Variants in KCNN3 observed in about 807,000 individuals in gnomAD.
KCNN3 encodes the protein potassium calcium-activated channel subfamily N member 3.
Under a neutral mutation model 62.9 loss-of-function variants are expected in KCNN3, and 16 were observed. The observed-to-expected ratio is 0.25, with a 90% CI of 0.17 to 0.39. The LOEUF (loss-of-function observed/expected upper bound fraction) is 0.39, where lower values mean the gene tolerates loss of function less well. KCNN3 is among the 10% of genes least tolerant of loss of function. KCNN3 has a pLI of 1.00. For synonymous variants in KCNN3, 370 were observed against 389.2 expected, an observed-to-expected ratio of 0.95 and a Z score of 0.58; for missense variants, 599 against 949.4, an observed-to-expected ratio of 0.63 and a Z score of 4.85.
intron 2 of KCNN3, among the ~76,000 whole-genome samples, chr1:154,799,199 G>A (rs1323243781): frequency 2.6e-5 from 4 of 152,188 alleles, no homozygotes; most frequent in Non-Finnish European, 5.9e-5. Flanking sequence ...TTACAGGCAT[G>A]TGCCACCATG....
intron 2 of KCNN3, among the ~76,000 whole-genome samples, chr1:154,782,202 G>C (rs1328720293): frequency 6.6e-6 from 1 of 152,172 alleles, no homozygotes; most frequent in Non-Finnish European, 1.5e-5. Context: ...CTTCCTCAAA[G>C]GACAGGAGAC....
chr1:154,771,105 AAAT>A (rs1648540639), intron 3 of KCNN3, among the ~76,000 whole-genome samples: 3 of 132,714 alleles, frequency 2.3e-5, no homozygotes, highest in Admixed American at 7.6e-5. Flanking sequence ...ATAAATAAAT[AAAT>A]AAAATGAAAA....
At chr1:154,833,901 C>T (rs1651477395) in intron 1 of KCNN3, among the ~76,000 whole-genome samples, 1 of 152,184 alleles carries the variant, frequency 6.6e-6, no homozygotes, top group African/African-American at 2.4e-5. Flanking sequence ...AATACAAAAG[C>T]TTAAACATAA....
In KCNN3 at chr1:154,772,308, A is replaced by C; in HGVS notation, c.1115T>G (p.Val372Gly). The C allele has an allele frequency of 6.2e-7, 1 of 1,614,166 alleles. No homozygotes were observed. The highest frequency in any genetic ancestry group is 8.5e-7 in the Non-Finnish European group (1 of 1,180,022). Residue 372 changes from valine to glycine, a missense_variant, in exon 3 of 8, where the codon GTG becomes GGG. Physicochemically the swap from Val to Gly is moderately radical, Grantham distance 109 (BLOSUM62 -3). Transcript: ENST00000271915. The surrounding 1 kb of genome is among the most constrained non-coding windows in gnomAD (Gnocchi z 5.6). ...GCCAGGAATGGGGTGGATGGCGCAC[A>C]CCAGCATCTCCAGGCTGATGTACAG... ...RILYISLEMLVCAIHPIPGEY... is the reference protein window; with the variant it reads ...RILYISLEMLGCAIHPIPGEY...
intron 7 of KCNN3, among the ~76,000 whole-genome samples, chr1:154,712,363 C>A (rs1700096616): frequency 6.6e-6 from 1 of 152,142 alleles, no homozygotes; most frequent in African/African-American, 2.4e-5. Context: ...AGGAACCACC[C>A]TGCACTCCAC....
At chr1:154,832,016 G>T (rs1003525354) in intron 1 of KCNN3, among the ~76,000 whole-genome samples, 3 of 151,968 alleles carry the variant, frequency 2.0e-5, no homozygotes, top group African/African-American at 7.2e-5. Flanking sequence ...CCCAGGTGTT[G>T]GGGCTCCCGG....
rs114245088 is a variant in KCNN3 at position 154,860,198 on chromosome 1, T to G, written c.933+8834A>C. 4.0e-3 allele frequency among the ~76,000 whole-genome samples: 608 copies of G among 152,342 alleles called. 4 individuals carry two copies. Among genetic ancestry groups the G allele is most frequent in the African/African-American group, 0.014 (580 of 41,580 alleles). On this transcript the variant is annotated intron_variant, in intron 1 of 7. Transcript: ENST00000271915. Reference sequence around the variant, plus strand: ...TTAGAATTCTAGGAAGCACCCTGACTCAAGTCTTGAAGGGGAAATTGTGTT... The same window carrying G: ...TTAGAATTCTAGGAAGCACCCTGACGCAAGTCTTGAAGGGGAAATTGTGTT...
At chr1:154,730,933 T>G (rs541920459) in intron 4 of KCNN3, among the ~76,000 whole-genome samples, 1 of 152,124 alleles carries the variant, frequency 6.6e-6, no homozygotes, top group African/African-American at 2.4e-5. Context: ...GGGGCCAGGG[T>G]CTCGCCTGTT....
chr1:154,765,892 C>T (rs576393817), intron 3 of KCNN3, among the ~76,000 whole-genome samples: 4 of 152,198 alleles, frequency 2.6e-5, no homozygotes, highest in Non-Finnish European at 5.9e-5. Context: ...AGCGATCCAC[C>T]TGCTTTGACC....
chr1:154,794,424 G>A (rs1271978151), intron 2 of KCNN3, among the ~76,000 whole-genome samples: 1 of 152,186 alleles, frequency 6.6e-6, no homozygotes, highest in Admixed American at 6.5e-5. Flanking sequence ...GACTCTCTTT[G>A]GCTCTCCATG....
At chr1:154,754,924 T>C (rs1178894969) in intron 3 of KCNN3, among the ~76,000 whole-genome samples, 1 of 152,116 alleles carries the variant, frequency 6.6e-6, no homozygotes, top group African/African-American at 2.4e-5. Context: ...CATGATGAGT[T>C]TGATCACAGA....
At chr1:154,734,320 T>C (rs1404604071) in intron 3 of KCNN3, among the ~76,000 whole-genome samples, 1 of 152,166 alleles carries the variant, frequency 6.6e-6, no homozygotes, top group Non-Finnish European at 1.5e-5. Flanking sequence ...TGGAGGCCAC[T>C]GGATGGGGAA....
intron 3 of KCNN3, among the ~76,000 whole-genome samples, chr1:154,761,057 C>T (rs112536361): frequency 1.6e-4 from 24 of 152,250 alleles, no homozygotes; most frequent in Non-Finnish European, 2.9e-4. Context: ...AGATGAGGGG[C>T]TTCGTCAAGT....
chr1:154,814,879 G>A (rs1557989530), intron 2 of KCNN3, among the ~76,000 whole-genome samples: 2 of 152,348 alleles, frequency 1.3e-5, no homozygotes, highest in East Asian at 3.9e-4. Flanking sequence ...CAGCGCTCCA[G>A]TGAATCCCCA....
At chr1:154,837,594 T>C (rs1651645623) in intron 1 of KCNN3, among the ~76,000 whole-genome samples, 1 of 152,270 alleles carries the variant, frequency 6.6e-6, no homozygotes, top group African/African-American at 2.4e-5. Flanking sequence ...GGGGAAAACC[T>C]GGCTTTCCAC....
chr1:154,783,547 C>G (rs1352001281), intron 2 of KCNN3, among the ~76,000 whole-genome samples: 1 of 152,224 alleles, frequency 6.6e-6, no homozygotes, highest in African/African-American at 2.4e-5. Context: ...TTTAGGAGCC[C>G]ACTTATGCAC....
intron 3 of KCNN3, among the ~76,000 whole-genome samples, chr1:154,759,154 G>A (rs1647884721): frequency 6.6e-6 from 1 of 152,160 alleles, no homozygotes; most frequent in Admixed American, 6.5e-5. Flanking sequence ...TGCGCTATGT[G>A]AGCCAGGAAT....
Position 154,703,328 on chromosome 1 carries a change from C to CAG in KCNN3, c.*4647_*4648insCT, listed in dbSNP as rs1699902596. Reference sequence around the variant, plus strand: ...GGCGGCAGTAGAGAAGGAAAGGATACTGTCTGGGGCGTCATCAAGCCCACC... The same window carrying CAG: ...GGCGGCAGTAGAGAAGGAAAGGATACAGTGTCTGGGGCGTCATCAAGCCCACC... On this transcript the variant is annotated 3_prime_UTR_variant, in exon 8 of 8. Transcript: ENST00000271915. 6.6e-6 allele frequency: 1 copy of CAG among 152,084 alleles called. No individual in the cohort carries two copies. The highest frequency in any genetic ancestry group is 1.5e-5 in the Non-Finnish European group (1 of 68,024). 9.4% of individuals were successfully genotyped at this position (152,084 alleles called of 1,614,324 possible). A position where few individuals can be genotyped will look rare whatever the true frequency, so the allele number is the denominator to read the frequency against.
intron 1 of KCNN3, among the ~76,000 whole-genome samples, chr1:154,822,968 G>A (rs1328682656): frequency 6.6e-6 from 1 of 152,202 alleles, no homozygotes; most frequent in Non-Finnish European, 1.5e-5. Context: ...GCCATTTAGG[G>A]CTACCTGACC....
Sources: gnomAD v4.1 joint callset for allele counts (sites outside exome capture counted in the v4.1 genomes callset) on GRCh38, gnomAD v4.1.1 for gene constraint, Gnocchi (gnomAD v3.1) non-coding constraint, MANE v1.5 for transcripts, NCBI Gene and HGNC (gene_info 2026-07-23, HGNC 2026-07-21) for gene names.